Variants in DAG1 observed in about 807,000 individuals in gnomAD.
DAG1 encodes the protein dystroglycan 1, also known as dystroglycan 1 (dystrophin-associated glycoprotein 1).
Under a neutral mutation model 46.1 loss-of-function variants are expected in DAG1, and 8 were observed. The ratio of observed to expected loss-of-function variants is 0.17; its 90% CI spans 0.10 to 0.31. The LOEUF (loss-of-function observed/expected upper bound fraction) is 0.31. Among genes scored for constraint, DAG1 ranks in the 10% least tolerant of loss-of-function variants. The pLI, the probability that DAG1 is intolerant of heterozygous loss-of-function variation, is 1.00. For synonymous variants in DAG1, 495 were observed against 481.8 expected (o/e 1.03, Z -0.36); for missense variants, 1,003 against 1,189.9 (o/e 0.84, Z 2.31).
chr3:49,504,370 A>G (rs1283232430), intron 1 of DAG1, among the ~76,000 whole-genome samples: 1 of 151,948 alleles, frequency 6.6e-6, no homozygotes, highest in Non-Finnish European at 1.5e-5. Context: ...CATGGTATGC[A>G]TGTACCATAG....
At chr3:49,479,115 A>G (rs767919947) in intron 1 of DAG1, among the ~76,000 whole-genome samples, 24 of 151,600 alleles carry the variant, frequency 1.6e-4, no homozygotes, top group Non-Finnish European at 3.4e-4. Context: ...TTTTTTCTGT[A>G]AATAGGGAAT....
At chr3:49,522,416 C>T (rs907381728) in intron 2 of DAG1, among the ~76,000 whole-genome samples, 10 of 152,040 alleles carry the variant, frequency 6.6e-5, no homozygotes, top group South Asian at 2.1e-4. Flanking sequence ...CCACCCGCTT[C>T]GGCTCCCGAA....
chr3:49,489,249 C>T (rs1187445440), intron 1 of DAG1, among the ~76,000 whole-genome samples: 4 of 152,226 alleles, frequency 2.6e-5, no homozygotes, highest in South Asian at 2.1e-4. Flanking sequence ...TGTGCCACCA[C>T]GCCTGGCTAA....
rs2050733495 is a variant in DAG1 at position 49,510,526 on chromosome 3, G to A, written c.-9G>A. On this transcript the variant is annotated 5_prime_UTR_variant, in exon 2 of 3. Transcript: ENST00000308775. ...CAAGACTATCGACTTGAGCAAACTT[G>A]GACCTGGGATGAGGATGTCTGTGGG... 3 of 1,612,452 alleles carry A rather than the reference G, an allele frequency of 1.9e-6. No homozygotes were observed. The highest frequency in any genetic ancestry group is 2.5e-6 in the Non-Finnish European group (3 of 1,179,930).
intron 2 of DAG1, among the ~76,000 whole-genome samples, chr3:49,521,623 T>G (rs1052310420): frequency 6.6e-6 from 1 of 152,082 alleles, no homozygotes; most frequent in African/African-American, 2.4e-5. Context: ...AATTTTTCTT[T>G]TTTGTAAAGA....
At chr3:49,507,579 T>A (rs566980307) in intron 1 of DAG1, among the ~76,000 whole-genome samples, 32 of 151,396 alleles carry the variant, frequency 2.1e-4, no homozygotes, top group Non-Finnish European at 3.1e-4. Context: ...TAAATAAATT[T>A]AAAAAAAAAT....
intron 1 of DAG1, among the ~76,000 whole-genome samples, chr3:49,497,412 G>A (rs1453192924): frequency 1.3e-5 from 2 of 148,734 alleles, no homozygotes; most frequent in African/African-American, 5.0e-5. Flanking sequence ...ACTCCAGCCT[G>A]GGTGACAGAG....
At chr3:49,497,289 T>C (rs1184586182) in intron 1 of DAG1, among the ~76,000 whole-genome samples, 3 of 151,826 alleles carry the variant, frequency 2.0e-5, no homozygotes, top group East Asian at 3.9e-4. Flanking sequence ...ATACAAAAAT[T>C]AGCTGGACGT....
rs1218542802 is a variant in DAG1 at position 49,534,479 on chromosome 3, A to T, written c.*1280A>T. The T allele has an allele frequency of 6.6e-6, 1 of 152,604 alleles. No homozygotes were observed. The highest frequency in any genetic ancestry group is 1.5e-5 in the Non-Finnish European group (1 of 68,050). The allele number at this position is 152,604 out of a possible 1,614,324, so 9.5% of individuals were successfully genotyped here. On this transcript the variant is annotated 3_prime_UTR_variant, in exon 3 of 3. Transcript: ENST00000308775. The stretch of plus-strand genomic sequence containing the variant: ...TAGCTCTCAAAGCTAATTTTTTACT[A>T]AAGTTTTTATACAGCCTCAAATTGT...
At chr3:49,522,740 C>T (rs1378285465) in intron 2 of DAG1, among the ~76,000 whole-genome samples, 1 of 152,132 alleles carries the variant, frequency 6.6e-6, no homozygotes, top group African/African-American at 2.4e-5. Flanking sequence ...TAATGCTAGA[C>T]TTACTTTCTA....
chr3:49,501,628 A>G (rs1222619757), intron 1 of DAG1, among the ~76,000 whole-genome samples: 1 of 152,198 alleles, frequency 6.6e-6, no homozygotes, highest in South Asian at 2.1e-4. Flanking sequence ...CCTGGCCAAC[A>G]TGGCGAAACT....
intron 2 of DAG1, 162 bp downstream of exon 2, chr3:49,510,981 A>G (rs372267783): frequency 5.8e-5 from 57 of 984,768 alleles, no homozygotes; most frequent in South Asian, 9.4e-5. Context: ...GAGAATCCCT[A>G]TATACTCAGA....
In DAG1 at chr3:49,526,108, C is replaced by T. The variant is rs2051163934; in HGVS notation, c.286-4689C>T. Among the ~76,000 whole-genome samples, 4 of 152,356 alleles carry T rather than the reference C, an allele frequency of 2.6e-5. No individual in the cohort carries two copies. The South Asian group carries it at 8.3e-4, about 32-fold the overall frequency. ...TCAAGTGATCCACCCACCTCAGCCT[C>T]CCAAAGTACTAGGATTATAGGCGTG... On this transcript the variant is annotated intron_variant, in intron 2 of 2. Coordinates refer to ENST00000308775, the MANE Select transcript of DAG1 (RefSeq NM_004393.6).
Position 49,531,456 on chromosome 3 carries a change from T to G in DAG1, c.945T>G (p.His315Gln), listed in dbSNP as rs1043047305. The change falls in exon 3 of 3, where the codon CAT becomes CAG. Residue 315 changes from histidine to glutamine, a missense_variant. By Grantham distance (24) the His-to-Gln change is conservative. Around this residue, in one of 3 missense-constraint regions of DAG1, gnomAD observed 755 missense variants for 854.1 expected, o/e 0.88. Transcript: ENST00000308775. The surrounding 1 kb of genome is among the most constrained non-coding windows in gnomAD (Gnocchi z 7.0). ...PLPKRVRRQIHATPTPVTAIG... is the reference protein window; with the variant it reads ...PLPKRVRRQIQATPTPVTAIG... ...CCAAACGCGTCCGGAGGCAGATCCATGCTACACCCACACCTGTCACTGCCA... is the reference window on the plus strand; with the variant it reads ...CCAAACGCGTCCGGAGGCAGATCCAGGCTACACCCACACCTGTCACTGCCA... The G allele has an allele frequency of 2.5e-6, 4 of 1,613,774 alleles. No homozygotes were observed. The African/African-American group carries it at 5.3e-5, about 22-fold the overall frequency.
intron 2 of DAG1, among the ~76,000 whole-genome samples, chr3:49,526,116 A>T (rs1476762739): frequency 6.6e-6 from 1 of 152,076 alleles, no homozygotes; most frequent in Non-Finnish European, 1.5e-5. Context: ...CTCCCAAAGT[A>T]CTAGGATTAT....
chr3:49,527,604 G>A (rs575101008), intron 2 of DAG1, among the ~76,000 whole-genome samples: 1 of 152,164 alleles, frequency 6.6e-6, no homozygotes, highest in East Asian at 1.9e-4. Flanking sequence ...TTGGGAGGCT[G>A]AGGCAGGAGA....
intron 1 of DAG1, among the ~76,000 whole-genome samples, chr3:49,472,042 G>C (rs1467525587): frequency 6.6e-6 from 1 of 152,156 alleles, no homozygotes; most frequent in Non-Finnish European, 1.5e-5. Flanking sequence ...CCTCCAGCTT[G>C]GCAGGTGCGA....
chr3:49,504,261 G>A (rs1359938574), intron 1 of DAG1, among the ~76,000 whole-genome samples: 1 of 124,834 alleles, frequency 8.0e-6, no homozygotes, highest in Non-Finnish European at 1.7e-5. Flanking sequence ...AACCTTTTGG[G>A]GTTGGCTTTT....
In DAG1 at chr3:49,535,499, C is replaced by T. The variant is rs1412432908; in HGVS notation, c.*2300C>T. 1.3e-5 allele frequency: 2 copies of T among 152,704 alleles called. No individual in the cohort carries two copies. The highest frequency in any genetic ancestry group is 4.8e-5 in the African/African-American group (2 of 41,478). 9.5% of individuals were successfully genotyped at this position (152,704 alleles called of 1,614,324 possible). A position where few individuals can be genotyped will look rare whatever the true frequency, so the allele number is the denominator to read the frequency against. On this transcript the variant is annotated 3_prime_UTR_variant, in exon 3 of 3. Coordinates refer to ENST00000308775, the MANE Select transcript of DAG1 (RefSeq NM_004393.6). ...TGAGATGGAGAGCCAATCTCACATT[C>T]AAGTGTTCACCAACCACTGATGTGT...
Sources: gnomAD v4.1 joint callset for allele counts (sites outside exome capture counted in the v4.1 genomes callset) on GRCh38, gnomAD v4.1.1 for gene constraint, gnomAD v4.1.1 regional missense constraint, Gnocchi (gnomAD v3.1) non-coding constraint, MANE v1.5 for transcripts, NCBI Gene and HGNC (gene_info 2026-07-23, HGNC 2026-07-21) for gene names.